HSPB6: variants seen among roughly 807,000 people sequenced by gnomAD.
HSPB6 encodes heat shock protein beta-6.
HSPB6 carries 8 observed loss-of-function variants against 10.7 expected under a neutral mutation model. The ratio of observed to expected loss-of-function variants is 0.75; its 90% CI spans 0.44 to 1.35. The LOEUF (loss-of-function observed/expected upper bound fraction) is 1.35. Among genes scored for constraint, HSPB6 ranks in the 40% most tolerant of loss-of-function variants. The probability of loss-of-function intolerance (pLI) is 0.00; values close to 1 mark genes in which losing one functional copy is unlikely to be tolerated. For missense variants in HSPB6, 232 were observed against 236.0 expected, an observed-to-expected ratio of 0.98 and a Z score of 0.11; for synonymous variants, 128 against 114.2, an observed-to-expected ratio of 1.12 and a Z score of -0.77.
intron 1 of HSPB6, among the ~76,000 whole-genome samples, 159 bp downstream of exon 1, chr19:35,756,652 C>A (rs1053212985): frequency 6.6e-6 from 1 of 152,070 alleles, no homozygotes; most frequent in Non-Finnish European, 1.5e-5. Context: ...CTGCAGTGTG[C>A]GGGCCTCAGA....
chr19:35,755,606 C>T lies in HSPB6; in HGVS notation c.399G>A (p.Thr133=). Residue 133 remains threonine, a synonymous_variant, in exon 3 of 3, where the codon ACG becomes ACA. Coordinates refer to ENST00000004982, the MANE Select transcript of HSPB6 (RefSeq NM_144617.3). ...GGACGCCCTCGGGGGACAGCGCGGACGTCACGGCAGCCGGATCCACGCCAG... is the reference window on the plus strand; with the variant it reads ...GGACGCCCTCGGGGGACAGCGCGGATGTCACGGCAGCCGGATCCACGCCAG... ...LPPGVDPAAV[T]SALSPEGVLS... is the part of the protein sequence containing the mutation. 1 of 1,533,354 alleles carries T rather than the reference C, an allele frequency of 6.5e-7. No homozygotes were observed. Among genetic ancestry groups the T allele is most frequent in the Non-Finnish European group, 8.7e-7 (1 of 1,144,892 alleles). 95.0% of individuals were successfully genotyped at this position (1,533,354 alleles called of 1,614,324 possible).
rs143062937 is a variant in HSPB6, at chr19:35,755,464, G to T, written c.*58C>A. 310 of 1,498,892 alleles carry T rather than the reference G, an allele frequency of 2.1e-4. No individual in the cohort carries two copies. The African/African-American group carries it at 3.7e-3, about 18-fold the overall frequency. 92.8% of individuals were successfully genotyped at this position (1,498,892 alleles called of 1,614,324 possible). A position where few individuals can be genotyped will look rare whatever the true frequency, so the allele number is the denominator to read the frequency against. The stretch of plus-strand genomic sequence containing the variant: ...CATCTGGCTGGGCGGAGTCAGATCG[G>T]CTTTAATAGAGGGAGCCTGAGGAGG... On this transcript the variant is annotated 3_prime_UTR_variant, in exon 3 of 3. Coordinates refer to ENST00000004982, the MANE Select transcript of HSPB6 (RefSeq NM_144617.3).
rs991386663 is a variant in HSPB6 at position 35,754,667 on chromosome 19, T to G, written c.*855A>C. 3.2e-6 allele frequency: 2 copies of G among 631,590 alleles called. No individual in the cohort carries two copies. Among genetic ancestry groups the G allele is most frequent in the South Asian group, 3.7e-5 (2 of 54,368 alleles). The allele number at this position is 631,590 out of a possible 1,614,324, so 39.1% of individuals were successfully genotyped here. A position where few individuals can be genotyped will look rare whatever the true frequency, so the allele number is the denominator to read the frequency against. On this transcript the variant is annotated 3_prime_UTR_variant, in exon 3 of 3. Transcript: ENST00000004982. ...GTGGGGAATCAGAGCGGGTGCTCAG[T>G]TGGGTCTTGAAGGAGAAGAGGAGGA... is the stretch of plus-strand genomic sequence containing the variant.
chr19:35,755,591 G>A lies in HSPB6; in HGVS notation c.414C>T (p.Pro138=), dbSNP rs1227339540. The part of the protein sequence containing the change: ...DPAAVTSALS[P]EGVLSIQAAP... ...CGGCCTGGATGGACAGGACGCCCTC[G>A]GGGGACAGCGCGGACGTCACGGCAG... Residue 138 remains proline, a synonymous_variant, in exon 3 of 3, where the codon CCC becomes CCT. Transcript: ENST00000004982. 2.6e-6 allele frequency: 4 copies of A among 1,522,592 alleles called. No homozygotes were observed. The South Asian group carries it at 3.6e-5, about 14-fold the overall frequency. The allele number at this position is 1,522,592 out of a possible 1,614,324, so 94.3% of individuals were successfully genotyped here.
chr19:35,755,717 C>T (rs914298646), intron 2 of HSPB6, 34 bp from the exon 3 acceptor site: 4 of 1,525,170 alleles, frequency 2.6e-6, no homozygotes, highest in African/African-American at 1.4e-5. Context: ...GGCCCCGCCC[C>T]TCCGGCCCGG....
chr19:35,755,804 C>T lies in HSPB6; in HGVS notation c.289G>A (p.Val97Met). The T allele has an allele frequency of 1.3e-6, 2 of 1,595,960 alleles. No individual in the cohort carries two copies. Among genetic ancestry groups the T allele is most frequent in the Non-Finnish European group, 1.7e-6 (2 of 1,172,434 alleles). Residue 97 changes from valine to methionine, a missense_variant, in exon 2 of 3, where the codon GTG becomes ATG. Physicochemically the swap from Val to Met is conservative, Grantham distance 21 (BLOSUM62 1). Transcript: ENST00000004982. ...TCCTCGTGGCGCGCGTGCACCTCCA[C>T]GTGTTCGCCCACCACCTTGACAGCA... ...EIAVKVVGEH[V>M]EVHARHEERP...
chr19:35,754,721 T>G lies in HSPB6; in HGVS notation c.*801A>C. The G allele has an allele frequency of 1.9e-6, 1 of 534,826 alleles. No individual in the cohort carries two copies. The highest frequency in any genetic ancestry group is 3.4e-6 in the Non-Finnish European group (1 of 298,170). The allele number at this position is 534,826 out of a possible 1,614,324, so 33.1% of individuals were successfully genotyped here. A position where few individuals can be genotyped will look rare whatever the true frequency, so the allele number is the denominator to read the frequency against. The stretch of plus-strand genomic sequence containing the variant: ...TGGGAGGTGGGTTGCCGAGGATATC[T>G]GGTTGAAGACTTGGGGGTCAAGACA... On this transcript the variant is annotated 3_prime_UTR_variant, in exon 3 of 3. Transcript: ENST00000004982.
Position 35,754,789 on chromosome 19 carries a change from G to T in HSPB6, c.*733C>A. The T allele has an allele frequency of 4.4e-6, 2 of 459,168 alleles. No individual in the cohort carries two copies. The highest frequency in any genetic ancestry group is 2.2e-5 in the South Asian group (1 of 46,284). 28.4% of individuals were successfully genotyped at this position (459,168 alleles called of 1,614,324 possible). A position where few individuals can be genotyped will look rare whatever the true frequency, so the allele number is the denominator to read the frequency against. ...GGGGTCTGGTTAGAGTTGGGGAGGG[G>T]GCCTAGGACATCCGTGCAGAGTCTG... On this transcript the variant is annotated 3_prime_UTR_variant, in exon 3 of 3. Coordinates refer to ENST00000004982, the MANE Select transcript of HSPB6 (RefSeq NM_144617.3).
intron 1 of HSPB6, 65 bp downstream of exon 1, chr19:35,756,746 C>T: frequency 2.0e-6 from 3 of 1,485,682 alleles, no homozygotes; most frequent in East Asian, 2.5e-5. Flanking sequence ...CATGTTCCCA[C>T]CCCAGGCTGC....
At position 35,756,973 on chromosome 19, in the gene HSPB6, C is replaced by A; in HGVS notation, c.36G>T (p.Leu12=). Residue 12 remains leucine (L), a synonymous_variant, in exon 1 of 3, where the codon CTG becomes CTT. Coordinates refer to ENST00000004982, the MANE Select transcript of HSPB6 (RefSeq NM_144617.3). ...EIPVPVQPSW[L]RRASAPLPGL... is the part of the protein sequence containing the mutation. ...CGGGCAACGGGGCCGAGGCGCGGCG[C>A]AGCCAAGACGGCTGCACAGGCACAG... 1 of 1,545,546 alleles carries A rather than the reference C, an allele frequency of 6.5e-7. No individual in the cohort carries two copies. The highest frequency in any genetic ancestry group is 8.7e-7 in the Non-Finnish European group (1 of 1,146,694).
In HSPB6 at chr19:35,756,521, C is replaced by A. The variant is rs61497420; in HGVS notation, c.198+290G>T. 9.7e-3 allele frequency among the ~76,000 whole-genome samples: 1,483 copies of A among 152,280 alleles called. 18 individuals are homozygous for A. Among genetic ancestry groups the A allele is most frequent in the African/African-American group, 0.035 (1,440 of 41,552 alleles). ...CTCCTTTTCCCCAGATTTCCCGGAT[C>A]ACCAGCCTCCTTCAGAGTAAGCAAG... On this transcript the variant is annotated intron_variant, in intron 1 of 2. Transcript: ENST00000004982.
At position 35,756,959 on chromosome 19, in the gene HSPB6, GC is replaced by G; in HGVS notation, c.49del (p.Ala17ProfsTer62). ...VQPSWLRRASAPLPGLSAPGR... is the reference protein window; with the variant it reads ...VQPSWLRRASXPLPGLSAPGR... ...GGGCGCCGAAAGTCCGGGCAACGGGGCCGAGGCGCGGCGCAGCCAAGACGGC... is the reference window on the plus strand; with the variant it reads ...GGGCGCCGAAAGTCCGGGCAACGGGGCGAGGCGCGGCGCAGCCAAGACGGC... On this transcript the variant is annotated frameshift_variant, in exon 1 of 3. Coordinates refer to ENST00000004982, the MANE Select transcript of HSPB6 (RefSeq NM_144617.3). LOFTEE classifies it high-confidence loss of function. The G allele has an allele frequency of 6.5e-7, 1 of 1,544,738 alleles. No individual in the cohort carries two copies. The highest frequency in any genetic ancestry group is 1.2e-5 in the South Asian group (1 of 83,992).
chr19:35,755,765 G>A lies in HSPB6; in HGVS notation c.321+7C>T. The A allele has an allele frequency of 6.4e-7, 1 of 1,573,478 alleles. No homozygotes were observed. Reference sequence around the variant, plus strand: ...CCGCTCCAGCCCCGCCCCACGCCGCGGCTCACCGGGCGCTCCTCGTGGCGC... The same window carrying A: ...CCGCTCCAGCCCCGCCCCACGCCGCAGCTCACCGGGCGCTCCTCGTGGCGC... On this transcript the variant is annotated splice_region_variant and intron_variant, in intron 2 of 2. Transcript: ENST00000004982.
intron 1 of HSPB6, 146 bp downstream of exon 1, chr19:35,756,665 C>A: frequency 1.3e-6 from 1 of 748,088 alleles, no homozygotes; most frequent in South Asian, 1.7e-5. Flanking sequence ...GCCTCAGATT[C>A]CCATTGACTC....
At position 35,756,846 on chromosome 19, in the gene HSPB6, G is replaced by C. The variant is rs1023329634; in HGVS notation, c.163C>G (p.Leu55Val). 7 of 1,537,252 alleles carry C rather than the reference G, an allele frequency of 4.6e-6. No individual in the cohort carries two copies. The South Asian group carries it at 6.0e-5, about 13-fold the overall frequency. ...LCPTTLAPYYLRAPSVALPVA... is the reference protein window; with the variant it reads ...LCPTTLAPYYVRAPSVALPVA... ...GGCAGCGCCACGCTGGGTGCGCGCA[G>C]GTAGTAGGGGGCGAGCGTGGTGGGG... The change falls in exon 1 of 3, where the codon CTG becomes GTG. Residue 55 changes from leucine to valine, a missense_variant. Coordinates refer to ENST00000004982, the MANE Select transcript of HSPB6 (RefSeq NM_144617.3).
rs1174311090 is a variant in HSPB6, at chr19:35,756,937, C to T, written c.72G>A (p.Ala24=). The change falls in exon 1 of 3, where the codon GCG becomes GCA. Residue 24 remains alanine (A), a synonymous_variant. Transcript: ENST00000004982. ...RASAPLPGLS[A]PGRLFDQRFG... ...AGCGCTGGTCAAAGAGGCGTCCGGG[C>T]GCCGAAAGTCCGGGCAACGGGGCCG... 1.9e-6 allele frequency: 3 copies of T among 1,543,030 alleles called. No individual in the cohort carries two copies. Among genetic ancestry groups the T allele is most frequent in the Non-Finnish European group, 2.6e-6 (3 of 1,146,482 alleles).
Position 35,755,353 on chromosome 19 carries a change from GT to G in HSPB6, c.*168del, listed in dbSNP as rs1289327684. The stretch of plus-strand genomic sequence containing the variant: ...TGAGAGCGAGGGTGTCAGTGGAAGG[GT>G]CTATGTTATCAAGGCAGTGTCCAGG... On this transcript the variant is annotated 3_prime_UTR_variant, in exon 3 of 3. Coordinates refer to ENST00000004982, the MANE Select transcript of HSPB6 (RefSeq NM_144617.3). 4 of 751,186 alleles carry G rather than the reference GT, an allele frequency of 5.3e-6. No homozygotes were observed. In the Admixed American group the frequency reaches 8.2e-5, roughly 15 times the overall value. 46.5% of individuals were successfully genotyped at this position (751,186 alleles called of 1,614,324 possible).
chr19:35,754,929 G>C lies in HSPB6; in HGVS notation c.*593C>G, dbSNP rs1205014223. On this transcript the variant is annotated 3_prime_UTR_variant, in exon 3 of 3. Transcript: ENST00000004982. ...TCCAGAGTCTGGTGTGGCTGGCTGG[G>C]GTTTCACGGCAGAAAATGGGCTGGA... The C allele has an allele frequency of 1.3e-5, 4 of 300,300 alleles. No homozygotes were observed. The Admixed American group carries it at 1.9e-4, about 14-fold the overall frequency. The allele number at this position is 300,300 out of a possible 1,614,324, so 18.6% of individuals were successfully genotyped here. A position where few individuals can be genotyped will look rare whatever the true frequency, so the allele number is the denominator to read the frequency against.
chr19:35,754,861 T>C lies in HSPB6; in HGVS notation c.*661A>G, dbSNP rs1970733279. The C allele has an allele frequency of 3.1e-6, 1 of 323,412 alleles. No homozygotes were observed. 20.0% of individuals were successfully genotyped at this position (323,412 alleles called of 1,614,324 possible). A position where few individuals can be genotyped will look rare whatever the true frequency, so the allele number is the denominator to read the frequency against. On this transcript the variant is annotated 3_prime_UTR_variant, in exon 3 of 3. Transcript: ENST00000004982. ...CTGTACAGTTTGGTGTTGGGTGTTC[T>C]AGTTGGCCTGGTGTCCAAGAGTTGG...
Sources: allele counts gnomAD v4.1 joint callset (sites outside exome capture counted in the v4.1 genomes callset), GRCh38; gene constraint gnomAD v4.1.1; transcripts MANE v1.5; gene names NCBI Gene and HGNC (gene_info 2026-07-23, HGNC 2026-07-21).